KCNU1: variants seen among roughly 807,000 people sequenced by gnomAD.
The protein encoded by KCNU1 is potassium calcium-activated channel subfamily U member 1, also known as potassium channel subfamily U member 1.
In KCNU1, 93 loss-of-function variants were observed where a neutral mutation model predicts 126.8. The ratio of observed to expected loss-of-function variants is 0.73; its 90% confidence interval spans 0.62 to 0.87. The LOEUF (loss-of-function observed/expected upper bound fraction) is 0.87. Among genes scored for constraint, KCNU1 ranks in the 40% least tolerant of loss-of-function variants. KCNU1 has a pLI of 0.00. For missense variants in KCNU1, 1,330 were observed against 1,367.1 expected (o/e 0.97, Z 0.43); for synonymous variants, 523 against 494.2 (o/e 1.06, Z -0.77).
intron 5 of KCNU1, 132 bp from the exon 6 acceptor site, chr8:36,807,243 A>G: frequency 2.9e-6 from 2 of 699,726 alleles, no homozygotes; most frequent in Non-Finnish European, 5.1e-6. Flanking sequence ...TGTTAAGCCT[A>G]TAACATGAGA....
At chr8:36,910,907 C>G in intron 21 of KCNU1, 23 bp from the exon 22 acceptor site, 468 of 1,357,326 alleles carry the variant, frequency 3.4e-4, no homozygotes, top group Non-Finnish European at 4.4e-4. Context: ...ACCAGTGCCT[C>G]CTCTCTCTTT....
intron 9 of KCNU1, 25 bp from the exon 10 acceptor site, chr8:36,817,625 C>T (rs959861928): frequency 7.3e-6 from 9 of 1,237,860 alleles, no homozygotes; most frequent in African/African-American, 3.0e-5. Flanking sequence ...TCGGATGATC[C>T]ACCTCACCTG....
intron 19 of KCNU1, among the ~76,000 whole-genome samples, chr8:36,867,561 G>A (rs1805956195): frequency 6.6e-6 from 1 of 152,130 alleles, no homozygotes; most frequent in African/African-American, 2.4e-5. Context: ...GACAACATAT[G>A]TGATAACACA....
chr8:36,858,944 C>G (rs562560370), intron 18 of KCNU1, among the ~76,000 whole-genome samples: 2 of 152,304 alleles, frequency 1.3e-5, no homozygotes, highest in African/African-American at 4.8e-5. Context: ...CTACCCTATA[C>G]TGATCCCCAA....
intron 19 of KCNU1, among the ~76,000 whole-genome samples, chr8:36,871,623 A>C (rs1806106945): frequency 6.6e-6 from 1 of 152,154 alleles, no homozygotes; most frequent in African/African-American, 2.4e-5. Flanking sequence ...ACAGACTATA[A>C]TAAAGGAGAG....
chr8:36,798,959 C>T (rs1803204794), intron 2 of KCNU1, among the ~76,000 whole-genome samples: 2 of 152,234 alleles, frequency 1.3e-5, no homozygotes, highest in South Asian at 2.1e-4. Context: ...TGACTCTTAT[C>T]GTCGACAGTC....
chr8:36,908,918 CT>C, intron 20 of KCNU1, among the ~76,000 whole-genome samples: 1 of 152,212 alleles, frequency 6.6e-6, no homozygotes. Context: ...AGCATTGAAT[CT>C]GGAATGTCTT....
chr8:36,789,216 C>T (rs974460009), intron 2 of KCNU1, among the ~76,000 whole-genome samples: 21 of 152,154 alleles, frequency 1.4e-4, no homozygotes, highest in Admixed American at 8.5e-4. Context: ...GTTAACTCAG[C>T]GTGTTGGCCT....
At chr8:36,892,504 C>G (rs935267012) in intron 19 of KCNU1, among the ~76,000 whole-genome samples, 1 of 114,536 alleles carries the variant, frequency 8.7e-6, no homozygotes, top group Admixed American at 1.2e-4. Flanking sequence ...CCCCACCCCC[C>G]ACCAGGTATG....
At chr8:36,888,621 T>C (rs949822778) in intron 19 of KCNU1, 8 of 534,232 alleles carry the variant, frequency 1.5e-5, no homozygotes, top group African/African-American at 1.3e-4. Flanking sequence ...GACTCACTCA[T>C]TGGCAGAAAT....
intron 19 of KCNU1, among the ~76,000 whole-genome samples, chr8:36,896,744 C>T (rs1330065039): frequency 1.3e-5 from 2 of 151,866 alleles, no homozygotes; most frequent in Admixed American, 1.3e-4. Context: ...GTAAAAAGAG[C>T]TTAGACATGA....
At chr8:36,918,790 G>A (rs1256120070) in intron 22 of KCNU1, 33 bp from the exon 23 acceptor site, 17 of 1,296,718 alleles carry the variant, frequency 1.3e-5, no homozygotes, top group Non-Finnish European at 5.6e-6. Flanking sequence ...AAGGCATTGT[G>A]TTTGCATTTA....
intron 14 of KCNU1, 86 bp from the exon 15 acceptor site, chr8:36,840,377 T>C (rs1024275587): frequency 8.9e-6 from 6 of 676,226 alleles, no homozygotes; most frequent in Non-Finnish European, 1.6e-5. Flanking sequence ...GAAGACTTGT[T>C]TGTGCTTAGC....
rs759959026 is a variant in KCNU1, at chr8:36,910,934, G to T, written c.2336G>T (p.Cys779Phe). Residue 779 changes from cysteine to phenylalanine, a missense_variant, in exon 22 of 27, where the codon TGT (cysteine) becomes TTT (phenylalanine). Cys to Phe is a radical substitution (Grantham distance 205, BLOSUM62 -2). Transcript: ENST00000399881. ...TCTCTCTTTTCCTCTCATTAGGGATGTGCACTTTATTCTGGAGACCTCCAT... is the reference window on the plus strand; with the variant it reads ...TCTCTCTTTTCCTCTCATTAGGGATTTGCACTTTATTCTGGAGACCTCCAT... ...NFPQIYILPG[C>F]ALYSGDLHAA... 6.2e-7 allele frequency: 1 copy of T among 1,606,640 alleles called. No individual in the cohort carries two copies. Among genetic ancestry groups the T allele is most frequent in the East Asian group, 2.2e-5 (1 of 44,644 alleles).
chr8:36,928,977 A>T (rs930372431), intron 24 of KCNU1: 2 of 698,634 alleles, frequency 2.9e-6, no homozygotes, highest in African/African-American at 3.5e-5. Context: ...AGAAGCAATG[A>T]TAAAGAAAAC....
intron 10 of KCNU1, among the ~76,000 whole-genome samples, chr8:36,821,508 A>G (rs1490776151): frequency 1.3e-5 from 2 of 152,160 alleles, no homozygotes; most frequent in Non-Finnish European, 2.9e-5. Context: ...GCCCCCATCC[A>G]GGTCTAGGCC....
intron 21 of KCNU1, 81 bp downstream of exon 21, chr8:36,909,616 A>G: frequency 1.2e-6 from 1 of 834,188 alleles, no homozygotes; most frequent in East Asian, 2.6e-5. Flanking sequence ...ATAATATTGC[A>G]GTTCTACAGT....
intron 16 of KCNU1, among the ~76,000 whole-genome samples, chr8:36,845,059 A>C (rs1274996289): frequency 6.6e-6 from 1 of 152,234 alleles, no homozygotes; most frequent in Non-Finnish European, 1.5e-5. Flanking sequence ...AAATCTGGCA[A>C]TCAAAATAAG....
At chr8:36,883,833 T>C (rs1806586148) in intron 19 of KCNU1, among the ~76,000 whole-genome samples, 1 of 152,176 alleles carries the variant, frequency 6.6e-6, no homozygotes, top group African/African-American at 2.4e-5. Context: ...AATATCTGTG[T>C]CCAATCAGTT....
Sources: gnomAD v4.1 joint callset for allele counts (sites outside exome capture counted in the v4.1 genomes callset) on GRCh38, gnomAD v4.1.1 for gene constraint, MANE v1.5 for transcripts, NCBI Gene and HGNC (gene_info 2026-07-23, HGNC 2026-07-21) for gene names.